The following RNF14 variants were observed in gnomAD, a reference collection of about 807,000 sequenced individuals.
RNF14 encodes ring finger protein 14.
A neutral mutation model predicts 52.6 loss-of-function variants in RNF14; 26 were observed. That is an observed-to-expected ratio of 0.49 (90% CI 0.36 to 0.69). The LOEUF is 0.69. Ranked by LOEUF, RNF14 falls within the 30% of genes least tolerant of loss-of-function variation. RNF14 has a pLI of 0.00. For missense variants in RNF14, 404 were observed against 560.4 expected (o/e 0.72, Z 2.82); for synonymous variants, 194 against 202.0 (o/e 0.96, Z 0.34).
chr5:141,950,151 T>C, the RNF14 span, among the ~76,000 whole-genome samples: 2 of 152,156 alleles, frequency 1.3e-5, no homozygotes, highest in East Asian at 1.9e-4. Context: ...AGAGCAGACC[T>C]ATGGAGGGTG....
At chr5:141,955,337 G>A (rs375346212), upstream of RNF14, 44 of 1,614,046 alleles carry the variant, frequency 2.7e-5, no homozygotes, top group Non-Finnish European at 3.5e-5. This position sits in a 1 kb window ranked among gnomAD's most constrained non-coding sequence, Gnocchi z 5.5. Context: ...AGCACCTCTC[G>A]GCTCTCCGCC....
chr5:141,951,149 A>T, the RNF14 span, among the ~76,000 whole-genome samples: 4 of 152,208 alleles, frequency 2.6e-5, no homozygotes. Flanking sequence ...GGGTCAAGAG[A>T]AAGAGAGGTG....
intron 5 of RNF14, among the ~76,000 whole-genome samples, chr5:141,979,733 TA>T (rs879586213): frequency 8.6e-4 from 125 of 145,894 alleles, no homozygotes; most frequent in Non-Finnish European, 7.6e-4. Flanking sequence ...CTCCATGTCT[TA>T]AAAAAAAAAA....
chr5:141,967,497 A>G (rs1318891937), upstream of RNF14, among the ~76,000 whole-genome samples: 1 of 151,978 alleles, frequency 6.6e-6, no homozygotes, highest in Non-Finnish European at 1.5e-5. Context: ...CTAAGTCCCC[A>G]AAGTCCATTG....
rs879178083 is a variant in RNF14, at chr5:141,978,241, C to G, written c.307-62C>G. 51 of 1,431,356 alleles carry G rather than the reference C, an allele frequency of 3.6e-5. No individual in the cohort carries two copies. The South Asian group carries it at 6.4e-4, about 18-fold the overall frequency. The allele number at this position is 1,431,356 out of a possible 1,614,324, so 88.7% of individuals were successfully genotyped here. On this transcript the variant is annotated intron_variant, in intron 4 of 8. Coordinates refer to ENST00000394520, the MANE Select transcript of RNF14 (RefSeq NM_004290.5). ...AAGTGGAAAAGATTTCTAGGGAAAC[C>G]AGGAGTTGGCAGCAGCATCATCTTT...
upstream of RNF14, chr5:141,954,963 C>T: frequency 6.2e-7 from 1 of 1,603,698 alleles, no homozygotes; most frequent in Non-Finnish European, 8.5e-7. Context: ...CTGCCCATGC[C>T]CCAGGTACCT....
upstream of RNF14, chr5:141,956,664 C>A (rs1753189648): frequency 6.2e-7 from 1 of 1,614,242 alleles, no homozygotes; most frequent in South Asian, 1.1e-5. Context: ...AGTGGCCCAG[C>A]TCTTGGCTCA....
chr5:141,951,379 C>G, the RNF14 span: 4 of 778,124 alleles, frequency 5.1e-6, no homozygotes, highest in South Asian at 6.1e-5. Flanking sequence ...GCTGCACCCT[C>G]CCAGGGGACC....
At chr5:141,983,657 G>T in intron 7 of RNF14, 105 bp downstream of exon 7, 1 of 946,910 alleles carries the variant, frequency 1.1e-6, no homozygotes, top group Non-Finnish European at 1.5e-6. Context: ...AACACATGCT[G>T]GTATTATTAC....
intron 7 of RNF14, among the ~76,000 whole-genome samples, chr5:141,984,305 C>G (rs1396824516): frequency 1.3e-5 from 2 of 151,752 alleles, no homozygotes; most frequent in African/African-American, 2.4e-5. Flanking sequence ...ACCATGTTGG[C>G]CAGGCTGGTC....
At chr5:141,966,206 T>C (rs939545111), upstream of RNF14, among the ~76,000 whole-genome samples, 1 of 151,980 alleles carries the variant, frequency 6.6e-6, no homozygotes, top group Non-Finnish European at 1.5e-5. Context: ...GCTTGAACCC[T>C]CTACCGGGAG....
At chr5:141,985,684 C>G (rs962204379) in intron 8 of RNF14, among the ~76,000 whole-genome samples, 3 of 152,166 alleles carry the variant, frequency 2.0e-5, no homozygotes, top group Non-Finnish European at 2.9e-5. Context: ...TCCTGAGTAG[C>G]TGGGACTACA....
At chr5:141,956,604 G>A (rs777676849), upstream of RNF14, 1 of 1,614,238 alleles carries the variant, frequency 6.2e-7, no homozygotes, top group Non-Finnish European at 8.5e-7. Context: ...TGTCCAGTGT[G>A]GCATTGGTTA....
At chr5:141,975,102 C>A in intron 4 of RNF14, 147 bp downstream of exon 4, 1 of 770,332 alleles carries the variant, frequency 1.3e-6, no homozygotes, top group South Asian at 1.7e-5. Flanking sequence ...CTTGGTGAAT[C>A]CTGATGTTAA....
At chr5:141,986,983 C>T (rs1353751654) in intron 8 of RNF14, among the ~76,000 whole-genome samples, 1 of 152,218 alleles carries the variant, frequency 6.6e-6, no homozygotes, top group Non-Finnish European at 1.5e-5. Context: ...CCTCAGTCCA[C>T]ATCCTCCATA....
chr5:141,956,766 C>T (rs530216591), upstream of RNF14: 1 of 1,614,214 alleles, frequency 6.2e-7, no homozygotes, highest in Admixed American at 1.7e-5. Flanking sequence ...CTTCTGACAC[C>T]AGTGATGGCT....
upstream of RNF14, among the ~76,000 whole-genome samples, chr5:141,964,578 C>T (rs937730958): frequency 2.6e-5 from 4 of 152,006 alleles, no homozygotes; most frequent in Admixed American, 1.3e-4. Context: ...AGTGTAGGCA[C>T]TTCCAATTTT....
upstream of RNF14, chr5:141,953,388 G>A (rs1178905765): frequency 6.6e-6 from 1 of 152,228 alleles, no homozygotes; most frequent in Non-Finnish European, 1.5e-5. Context: ...GTCCAGTGGT[G>A]TATAATCTCA....
chr5:141,988,497 G>T lies in RNF14; in HGVS notation c.*707G>T, dbSNP rs1391738902. On this transcript the variant is annotated 3_prime_UTR_variant, in exon 9 of 9. Coordinates refer to ENST00000394520, the MANE Select transcript of RNF14 (RefSeq NM_004290.5). ...GCCAAATCTAGAATTTAGTGATACT[G>T]GCTCAGAAGAATTTAAGTTCTATTC... is the stretch of plus-strand genomic sequence containing the variant. The T allele has an allele frequency of 6.6e-6, 1 of 152,280 alleles. No individual in the cohort carries two copies. The highest frequency in any genetic ancestry group is 1.5e-5 in the Non-Finnish European group (1 of 68,032). The allele number at this position is 152,280 out of a possible 1,614,324, so 9.4% of individuals were successfully genotyped here.
Sources: allele counts gnomAD v4.1 joint callset (sites outside exome capture counted in the v4.1 genomes callset), GRCh38; gene constraint gnomAD v4.1.1; non-coding constraint Gnocchi (gnomAD v3.1); transcripts MANE v1.5; gene names NCBI Gene and HGNC (gene_info 2026-07-23, HGNC 2026-07-21).